PAX5: variants seen among roughly 807,000 people sequenced by gnomAD.
PAX5 encodes the protein paired box 5.
PAX5 carries 9 observed loss-of-function variants against 43.7 expected under a neutral mutation model. The ratio of observed to expected loss-of-function variants is 0.21; its 90% CI spans 0.12 to 0.36. The LOEUF (loss-of-function observed/expected upper bound fraction) is 0.36. Ranked by LOEUF, PAX5 falls within the 10% of genes least tolerant of loss-of-function variation. The pLI, the probability that PAX5 is intolerant of heterozygous loss-of-function variation, is 1.00. For missense variants in PAX5, 383 were observed against 532.7 expected (o/e 0.72, Z 2.77); for synonymous variants, 228 against 214.3 (o/e 1.06, Z -0.56).
chr9:36,846,988 G>A (rs1342241980), intron 8 of PAX5, 59 bp from the exon 9 acceptor site: 1 of 1,270,416 alleles, frequency 7.9e-7, no homozygotes, highest in Non-Finnish European at 1.1e-6. Flanking sequence ...GTTCAGAAAA[G>A]GCCCTGGGTC....
chr9:36,847,376 C>T (rs148410233), intron 8 of PAX5, among the ~76,000 whole-genome samples: 1 of 152,332 alleles, frequency 6.6e-6, no homozygotes, highest in African/African-American at 2.4e-5. Context: ...CAGTTCTACC[C>T]CCCACCTGCT....
At chr9:37,012,113 C>A (rs573574982) in intron 3 of PAX5, among the ~76,000 whole-genome samples, 1 of 152,216 alleles carries the variant, frequency 6.6e-6, no homozygotes, top group Admixed American at 6.5e-5. Flanking sequence ...CAAAAAGGAG[C>A]CCCCAGTGAA....
At chr9:36,852,704 C>T (rs1321938686) in intron 8 of PAX5, among the ~76,000 whole-genome samples, 1 of 152,248 alleles carries the variant, frequency 6.6e-6, no homozygotes, top group Non-Finnish European at 1.5e-5. Flanking sequence ...TGCACTTCTT[C>T]CTCCCTTCAC....
chr9:36,850,343 T>A (rs1011162904), intron 8 of PAX5, among the ~76,000 whole-genome samples: 1 of 152,190 alleles, frequency 6.6e-6, no homozygotes, highest in Non-Finnish European at 1.5e-5. Context: ...GTGGCCACAG[T>A]CTAAGCAAGA....
chr9:36,921,130 G>A (rs990017555), intron 7 of PAX5, among the ~76,000 whole-genome samples: 1 of 151,970 alleles, frequency 6.6e-6, no homozygotes, highest in Non-Finnish European at 1.5e-5. Context: ...GCTTTTATAC[G>A]CACTGGGAAA....
intron 5 of PAX5, among the ~76,000 whole-genome samples, chr9:36,995,468 C>CG (rs1554679875): frequency 6.6e-6 from 1 of 151,998 alleles, no homozygotes; most frequent in African/African-American, 2.4e-5. Context: ...GAGGTCAGTG[C>CG]GGGGGGACGT....
At chr9:36,847,520 G>T (rs1822711462) in intron 8 of PAX5, among the ~76,000 whole-genome samples, 1 of 152,212 alleles carries the variant, frequency 6.6e-6, no homozygotes, top group South Asian at 2.1e-4. Context: ...CAGGCCCTCT[G>T]CCTGGAGGAG....
intron 9 of PAX5, among the ~76,000 whole-genome samples, chr9:36,846,622 A>C: frequency 6.6e-6 from 1 of 151,370 alleles, no homozygotes; most frequent in East Asian, 1.9e-4. Flanking sequence ...TTCCTAACCC[A>C]CCAAAGCATC....
chr9:36,897,652 C>T (rs561620766), intron 7 of PAX5, among the ~76,000 whole-genome samples: 12 of 152,320 alleles, frequency 7.9e-5, no homozygotes, highest in South Asian at 4.1e-4. Flanking sequence ...GGGTCCTGGA[C>T]CCAGCATGGA....
intron 6 of PAX5, among the ~76,000 whole-genome samples, chr9:36,947,822 T>C (rs1015360348): frequency 2.8e-4 from 43 of 151,130 alleles, no homozygotes; most frequent in African/African-American, 1.0e-3. Context: ...ACTGAACGCA[T>C]ATGCATATGT....
At chr9:36,940,699 C>A (rs1462351266) in intron 6 of PAX5, among the ~76,000 whole-genome samples, 2 of 151,796 alleles carry the variant, frequency 1.3e-5, no homozygotes, top group African/African-American at 4.8e-5. Context: ...TGCACAGCAC[C>A]AGGGAGAATC....
In PAX5 at chr9:36,839,624, C is replaced by A. The variant is rs149580889; in HGVS notation, c.*936G>T. On this transcript the variant is annotated 3_prime_UTR_variant, in exon 10 of 10. Transcript: ENST00000358127. The stretch of plus-strand genomic sequence containing the variant: ...AACCTGGGCATGCCTCAGAAAACAC[C>A]GTTCCAGGGGCTGAGGGAGTAGGGA... The A allele has an allele frequency of 3.9e-5, 9 of 233,352 alleles. No individual in the cohort carries two copies. In the East Asian group the frequency reaches 5.4e-4, roughly 14 times the overall value. 14.5% of individuals were successfully genotyped at this position (233,352 alleles called of 1,614,324 possible). A position where few individuals can be genotyped will look rare whatever the true frequency, so the allele number is the denominator to read the frequency against.
chr9:36,890,379 C>G (rs956175534), intron 7 of PAX5, among the ~76,000 whole-genome samples: 1 of 152,062 alleles, frequency 6.6e-6, no homozygotes, highest in Non-Finnish European at 1.5e-5. Flanking sequence ...CATACAAGGC[C>G]CAAACTATAA....
intron 8 of PAX5, among the ~76,000 whole-genome samples, chr9:36,854,627 C>G (rs987857109): frequency 2.6e-5 from 4 of 152,188 alleles, no homozygotes; most frequent in Non-Finnish European, 4.4e-5. Flanking sequence ...AAGCCTCTCC[C>G]CCTCGCAGGC....
At chr9:37,002,150 C>CA (rs1837928816) in intron 5 of PAX5, among the ~76,000 whole-genome samples, 1 of 152,182 alleles carries the variant, frequency 6.6e-6, no homozygotes, top group Admixed American at 6.5e-5. Flanking sequence ...ACACCATCAT[C>CA]AGGGCTGAAG....
intron 5 of PAX5, among the ~76,000 whole-genome samples, chr9:36,978,466 T>G (rs1273383228): frequency 6.6e-6 from 1 of 152,028 alleles, no homozygotes; most frequent in African/African-American, 2.4e-5. Flanking sequence ...ATGGCCTTCA[T>G]GCACACAGCA....
At chr9:36,908,408 A>G (rs374985854) in intron 7 of PAX5, among the ~76,000 whole-genome samples, 2 of 151,624 alleles carry the variant, frequency 1.3e-5, no homozygotes, top group Admixed American at 1.3e-4. Context: ...TTTCTTTTTC[A>G]TTTTTGTTTT....
Position 37,019,817 on chromosome 9 carries a change from A to G in PAX5, c.212+819T>C, listed in dbSNP as rs558705105. Among the ~76,000 whole-genome samples the G allele has an allele frequency of 3.3e-5, 5 of 152,294 alleles. No homozygotes were observed. In the South Asian group the frequency reaches 1.0e-3, roughly 32 times the overall value. ...AAACCTGTGGCTTTGTTTTGGGGCT[A>G]TGGTGAGACCCAGATGGTCTAGGGG... On this transcript the variant is annotated intron_variant, in intron 2 of 9. Coordinates refer to ENST00000358127, the MANE Select transcript of PAX5 (RefSeq NM_016734.3).
chr9:36,923,631 T>TTCA, intron 6 of PAX5, 147 bp from the exon 7 acceptor site: 4 of 827,016 alleles, frequency 4.8e-6, no homozygotes, highest in Non-Finnish European at 7.4e-6. Context: ...ACTTCCAGTG[T>TTCA]TGAAAGGGCA....
Sources: allele counts gnomAD v4.1 joint callset (sites outside exome capture counted in the v4.1 genomes callset), GRCh38; gene constraint gnomAD v4.1.1; transcripts MANE v1.5; gene names NCBI Gene and HGNC (gene_info 2026-07-23, HGNC 2026-07-21).